PPP3CB: variants seen among roughly 807,000 people sequenced by gnomAD.
PPP3CB encodes the protein serine/threonine-protein phosphatase 2B catalytic subunit beta isoform.
PPP3CB carries 8 observed loss-of-function variants against 66.4 expected under a neutral mutation model. That is an observed-to-expected ratio of 0.12 (90% CI 0.07 to 0.22). The LOEUF (loss-of-function observed/expected upper bound fraction) is 0.22, where lower values mean the gene tolerates loss of function less well. Ranked by LOEUF, PPP3CB falls within the 10% of genes least tolerant of loss-of-function variation. The pLI is 1.00. For missense variants in PPP3CB, 319 were observed against 642.5 expected, an observed-to-expected ratio of 0.50 and a Z score of 5.44; for synonymous variants, 208 against 221.2, an observed-to-expected ratio of 0.94 and a Z score of 0.53.
At chr10:73,495,543 A>C in intron 1 of PPP3CB, 1 of 281,380 alleles carries the variant, frequency 3.6e-6, no homozygotes, top group African/African-American at 2.3e-5. Context: ...GGCTCACTGC[A>C]GCTAACAGCC....
In PPP3CB at chr10:73,474,982, A is replaced by G; in HGVS notation, c.460T>C (p.Phe154Leu). The change falls in exon 4 of 14, where the codon TTT (phenylalanine) becomes CTT (leucine). Residue 154 changes from phenylalanine to leucine, a missense_variant. Physicochemically the swap from Phe to Leu is conservative, Grantham distance 22. Coordinates refer to ENST00000360663, the MANE Select transcript of PPP3CB (RefSeq NM_021132.4). ...CATTCATGGTTGCCTCTCAGAAGAA[A>G]TAATGTGCTTGGGTATAGAATCTTC... The part of the protein sequence containing the change: ...VLKILYPSTL[F>L]LLRGNHECRH... 4 of 1,614,122 alleles carry G rather than the reference A, an allele frequency of 2.5e-6. No individual in the cohort carries two copies. The highest frequency in any genetic ancestry group is 3.4e-6 in the Non-Finnish European group (4 of 1,180,034).
intron 5 of PPP3CB, 77 bp downstream of exon 5, chr10:73,471,391 T>C (rs1225688208): frequency 4.1e-6 from 6 of 1,453,872 alleles, no homozygotes; most frequent in Non-Finnish European, 5.6e-6. Context: ...GGCAGTGAAG[T>C]GAAGTTTGAA....
rs977654284 is a variant in PPP3CB, at chr10:73,464,150, G to A, written c.1108+3403C>T. On this transcript the variant is annotated intron_variant, in intron 9 of 13. Coordinates refer to ENST00000360663, the MANE Select transcript of PPP3CB (RefSeq NM_021132.4). ...TCACCATCGTGGCCAGGTGGGTCTT[G>A]AACTCCTAACCTGATGATCCACCCA... Among the ~76,000 whole-genome samples the A allele has an allele frequency of 2.0e-5, 3 of 152,142 alleles. No homozygotes were observed. In the South Asian group the frequency reaches 6.2e-4, roughly 32 times the overall value.
At chr10:73,449,943 G>A (rs376481983) in intron 10 of PPP3CB, among the ~76,000 whole-genome samples, 170 of 152,048 alleles carry the variant, frequency 1.1e-3, no homozygotes, top group African/African-American at 3.7e-3. Flanking sequence ...CTACAGGTGC[G>A]CACCACCATG....
intron 12 of PPP3CB, among the ~76,000 whole-genome samples, chr10:73,443,204 CAT>C (rs145187182): frequency 0.043 from 6,333 of 146,514 alleles, 419 homozygotes; most frequent in African/African-American, 0.14. Context: ...CACACACACA[CAT>C]GTACACATGC....
chr10:73,453,926 C>T (rs1381133390), intron 10 of PPP3CB, among the ~76,000 whole-genome samples: 1 of 152,158 alleles, frequency 6.6e-6, no homozygotes, highest in Non-Finnish European at 1.5e-5. Flanking sequence ...GAAAAAAATG[C>T]TTTCAGAATC....
chr10:73,459,152 C>T (rs1022700824), intron 9 of PPP3CB, among the ~76,000 whole-genome samples: 4 of 152,026 alleles, frequency 2.6e-5, no homozygotes, highest in African/African-American at 9.7e-5. Context: ...CATAGAGTTA[C>T]AATATGACCC....
chr10:73,448,270 T>C (rs751199747), intron 10 of PPP3CB, among the ~76,000 whole-genome samples: 5 of 152,144 alleles, frequency 3.3e-5, no homozygotes, highest in Non-Finnish European at 5.9e-5. Context: ...ATAAAAACAC[T>C]GTACAAATCA....
intron 10 of PPP3CB, among the ~76,000 whole-genome samples, chr10:73,453,062 A>C (rs925775445): frequency 6.6e-6 from 1 of 152,264 alleles, no homozygotes; most frequent in African/African-American, 2.4e-5. Flanking sequence ...AAAGAAATGT[A>C]AACTTAAGCA....
intron 1 of PPP3CB, among the ~76,000 whole-genome samples, chr10:73,481,050 T>C (rs1177065471): frequency 6.6e-6 from 1 of 152,196 alleles, no homozygotes; most frequent in Non-Finnish European, 1.5e-5. Flanking sequence ...TCAGGCTCTT[T>C]ACTGAATAGT....
intron 12 of PPP3CB, among the ~76,000 whole-genome samples, chr10:73,442,617 G>A (rs372750424): frequency 1.3e-4 from 20 of 151,434 alleles, no homozygotes; most frequent in East Asian, 9.7e-4. Flanking sequence ...TTGTTTTAAT[G>A]TACATTCATG....
chr10:73,479,429 G>A lies in PPP3CB; in HGVS notation c.174C>T (p.His58=), dbSNP rs960849303. 17 of 1,613,934 alleles carry A rather than the reference G, an allele frequency of 1.1e-5. No homozygotes were observed. Among genetic ancestry groups the A allele is most frequent in the Admixed American group, 1.7e-5 (1 of 59,990 alleles). The part of the protein sequence containing the change: ...GIPRVDVLKN[H]LVKEGRVDEE... ...CATCTACTCGACCTTCTTTCACCAA[G>A]TGGTTCTTCAGAACATCAACCCTGG... Residue 58 remains histidine, a synonymous_variant, in exon 2 of 14, where the codon CAC becomes CAT. Coordinates refer to ENST00000360663, the MANE Select transcript of PPP3CB (RefSeq NM_021132.4).
At position 73,437,502 on chromosome 10, in the gene PPP3CB, GT is replaced by G. The variant is rs965337990; in HGVS notation, c.*739del. On this transcript the variant is annotated 3_prime_UTR_variant, in exon 14 of 14. Coordinates refer to ENST00000360663, the MANE Select transcript of PPP3CB (RefSeq NM_021132.4). Reference sequence around the variant, plus strand: ...ACTTCTTTTAAAGTACCTTAAATGAGTAATTCTGTAATTCTTCATAATTTTG... The same window carrying G: ...ACTTCTTTTAAAGTACCTTAAATGAGAATTCTGTAATTCTTCATAATTTTG... The G allele has an allele frequency of 6.6e-6, 1 of 152,586 alleles. No homozygotes were observed. The highest frequency in any genetic ancestry group is 2.4e-5 in the African/African-American group (1 of 41,438). The allele number at this position is 152,586 out of a possible 1,614,324, so 9.5% of individuals were successfully genotyped here. A position where few individuals can be genotyped will look rare whatever the true frequency, so the allele number is the denominator to read the frequency against.
chr10:73,456,973 T>C (rs1346769912), intron 9 of PPP3CB, among the ~76,000 whole-genome samples: 1 of 152,136 alleles, frequency 6.6e-6, no homozygotes, highest in East Asian at 1.9e-4. Context: ...GTTACACAAC[T>C]CTAGAAATAT....
At chr10:73,439,025 AT>A (rs1408447407) in intron 13 of PPP3CB, among the ~76,000 whole-genome samples, 2 of 152,222 alleles carry the variant, frequency 1.3e-5, no homozygotes, top group Non-Finnish European at 2.9e-5. Context: ...GCAAAAAAGT[AT>A]TTATAATCTC....
intron 13 of PPP3CB, among the ~76,000 whole-genome samples, chr10:73,439,112 C>G (rs1411530204): frequency 6.6e-6 from 1 of 152,128 alleles, no homozygotes; most frequent in African/African-American, 2.4e-5. Flanking sequence ...AAATAAATGG[C>G]AATTCTCCAC....
chr10:73,467,328 T>C (rs1038333786), intron 9 of PPP3CB: 1 of 285,060 alleles, frequency 3.5e-6, no homozygotes, highest in Non-Finnish European at 6.4e-6. Flanking sequence ...CATTGGGCTA[T>C]TTATAAATCT....
chr10:73,475,168 C>A (rs867380385), intron 3 of PPP3CB, 138 bp from the exon 4 acceptor site: 2 of 1,210,884 alleles, frequency 1.7e-6, no homozygotes, highest in Non-Finnish European at 2.1e-6. Flanking sequence ...ATAAGCACCA[C>A]AAAATCACAG....
intron 9 of PPP3CB, among the ~76,000 whole-genome samples, chr10:73,464,749 T>C (rs1231015732): frequency 6.6e-6 from 1 of 152,070 alleles, no homozygotes; most frequent in Non-Finnish European, 1.5e-5. Context: ...CTGGCCAACA[T>C]GGTGAAACCC....
Sources: gnomAD v4.1 joint callset for allele counts (sites outside exome capture counted in the v4.1 genomes callset) on GRCh38, gnomAD v4.1.1 for gene constraint, MANE v1.5 for transcripts, NCBI Gene and HGNC (gene_info 2026-07-23, HGNC 2026-07-21) for gene names.